Variants in ADAMTS3 observed in about 807,000 individuals in gnomAD.
ADAMTS3 encodes ADAM metallopeptidase with thrombospondin type 1 motif 3.
Under a neutral mutation model 129.0 loss-of-function variants are expected in ADAMTS3, and 73 were observed. The ratio of observed to expected loss-of-function variants is 0.57; its 90% CI spans 0.47 to 0.69. The LOEUF (loss-of-function observed/expected upper bound fraction) is 0.69. Among genes scored for constraint, ADAMTS3 ranks in the 30% least tolerant of loss-of-function variants. The probability of loss-of-function intolerance (pLI) is 0.00; values close to 1 mark genes in which losing one functional copy is unlikely to be tolerated. For missense variants in ADAMTS3, 1,457 were observed against 1,514.5 expected, an observed-to-expected ratio of 0.96 and a Z score of 0.63; for synonymous variants, 477 against 510.8, an observed-to-expected ratio of 0.93 and a Z score of 0.89.
At chr4:72,472,228 G>A (rs564079800) in intron 3 of ADAMTS3, among the ~76,000 whole-genome samples, 1 of 152,022 alleles carries the variant, frequency 6.6e-6, no homozygotes, top group South Asian at 2.1e-4. Flanking sequence ...TATTTGCTAA[G>A]GCCAAAATTC....
At chr4:72,417,571 C>T (rs1722335534) in intron 3 of ADAMTS3, among the ~76,000 whole-genome samples, 2 of 152,058 alleles carry the variant, frequency 1.3e-5, no homozygotes, top group South Asian at 4.2e-4. Context: ...TCCATTAACT[C>T]CATGGACCCA....
At chr4:72,405,952 A>G (rs1722039169) in intron 4 of ADAMTS3, among the ~76,000 whole-genome samples, 1 of 152,126 alleles carries the variant, frequency 6.6e-6, no homozygotes, top group South Asian at 2.1e-4. Context: ...TGTTTTGGAG[A>G]TTCTGGAAGA....
intron 3 of ADAMTS3, among the ~76,000 whole-genome samples, chr4:72,425,015 T>C (rs16847902): frequency 0.037 from 5,557 of 152,220 alleles, 123 homozygotes; most frequent in Non-Finnish European, 0.048. Flanking sequence ...TTGAATGACA[T>C]ATAAGTCCTA....
chr4:72,287,635 G>A (rs544634035), intron 21 of ADAMTS3, among the ~76,000 whole-genome samples: 13 of 152,062 alleles, frequency 8.5e-5, no homozygotes, highest in African/African-American at 2.9e-4. Flanking sequence ...GTAAGGCCTC[G>A]AAAAAGCATG....
intron 2 of ADAMTS3, among the ~76,000 whole-genome samples, chr4:72,562,758 A>C (rs2109807471): frequency 6.6e-6 from 1 of 152,316 alleles, no homozygotes; most frequent in South Asian, 2.1e-4. Flanking sequence ...ACACTGACTA[A>C]TTAAAAAGAA....
intron 3 of ADAMTS3, among the ~76,000 whole-genome samples, chr4:72,445,846 T>C (rs1034245493): frequency 6.6e-6 from 1 of 151,720 alleles, no homozygotes; most frequent in Non-Finnish European, 1.5e-5. Context: ...ATGATATCAG[T>C]TAAATATAAT....
intron 8 of ADAMTS3, 37 bp downstream of exon 8, chr4:72,319,821 T>C: frequency 6.7e-7 from 1 of 1,491,182 alleles, no homozygotes; most frequent in Non-Finnish European, 9.4e-7. Flanking sequence ...AAAGAAAAGA[T>C]CTTTTTTTGG....
At chr4:72,465,000 G>C (rs1718881205) in intron 3 of ADAMTS3, among the ~76,000 whole-genome samples, 1 of 151,964 alleles carries the variant, frequency 6.6e-6, no homozygotes, top group South Asian at 2.1e-4. Flanking sequence ...GAAATGTAAT[G>C]GTAACAAGAC....
intron 2 of ADAMTS3, among the ~76,000 whole-genome samples, chr4:72,549,390 G>GT (rs1054352893): frequency 3.2e-4 from 48 of 152,172 alleles, no homozygotes; most frequent in African/African-American, 9.2e-4. Flanking sequence ...TTACAATGCT[G>GT]TAATTTATAC....
intron 4 of ADAMTS3, among the ~76,000 whole-genome samples, chr4:72,343,643 T>C (rs1720197109): frequency 6.6e-6 from 1 of 152,160 alleles, no homozygotes; most frequent in South Asian, 2.1e-4. Context: ...TCAATGGTGC[T>C]AGCTGAGTTG....
At chr4:72,450,593 C>A (rs1718370018) in intron 3 of ADAMTS3, among the ~76,000 whole-genome samples, 2 of 151,614 alleles carry the variant, frequency 1.3e-5, no homozygotes, top group South Asian at 4.2e-4. Context: ...TTCACTGATG[C>A]CAACACCACT....
chr4:72,420,222 C>T (rs1358301093), intron 3 of ADAMTS3, among the ~76,000 whole-genome samples: 1 of 152,104 alleles, frequency 6.6e-6, no homozygotes, highest in Non-Finnish European at 1.5e-5. Flanking sequence ...ACTCCATCAC[C>T]GCCTTCAAGA....
chr4:72,315,427 A>G (rs1719365078), intron 11 of ADAMTS3, among the ~76,000 whole-genome samples: 1 of 152,210 alleles, frequency 6.6e-6, no homozygotes, highest in Non-Finnish European at 1.5e-5. Flanking sequence ...GATTTGACCC[A>G]TAAAGATGAG....
intron 3 of ADAMTS3, among the ~76,000 whole-genome samples, chr4:72,481,591 C>A (rs1560532966): frequency 6.6e-6 from 1 of 152,030 alleles, no homozygotes; most frequent in Non-Finnish European, 1.5e-5. Flanking sequence ...AATCATAAGA[C>A]TTTTAGAAAA....
chr4:72,478,764 C>T (rs954622668), intron 3 of ADAMTS3, among the ~76,000 whole-genome samples: 2 of 151,908 alleles, frequency 1.3e-5, no homozygotes, highest in Non-Finnish European at 2.9e-5. Context: ...TCCCTGTTTG[C>T]AGTTGACATG....
intron 4 of ADAMTS3, among the ~76,000 whole-genome samples, chr4:72,373,914 T>C (rs1377734612): frequency 5.9e-5 from 2 of 33,792 alleles, no homozygotes; most frequent in Non-Finnish European, 2.1e-4. Flanking sequence ...ATAATAATAA[T>C]AATAATAATA....
rs1247658650 is a variant in ADAMTS3, at chr4:72,360,395, T to A, written c.662-20702A>T. Among the ~76,000 whole-genome samples, 4 of 152,146 alleles carry A rather than the reference T, an allele frequency of 2.6e-5. No homozygotes were observed. The East Asian group carries it at 7.7e-4, about 29-fold the overall frequency. On this transcript the variant is annotated intron_variant, in intron 4 of 21. Coordinates refer to ENST00000286657, the MANE Select transcript of ADAMTS3 (RefSeq NM_014243.3). ...TAATTAACCAAAGGTCCAAAAAAAA[T>A]TTCTTTTTAGTGATTTTTGTTCTCC...
intron 3 of ADAMTS3, among the ~76,000 whole-genome samples, chr4:72,419,836 C>T (rs1354913808): frequency 6.6e-6 from 1 of 151,994 alleles, no homozygotes; most frequent in Non-Finnish European, 1.5e-5. Flanking sequence ...ACTATTAGTA[C>T]TATCTTGGGT....
chr4:72,475,714 A>G (rs1232225409), intron 3 of ADAMTS3, among the ~76,000 whole-genome samples: 1 of 152,034 alleles, frequency 6.6e-6, no homozygotes, highest in Non-Finnish European at 1.5e-5. Context: ...CAGTTTCAAG[A>G]GCCCACAGAA....
Sources: gnomAD v4.1 joint callset for allele counts (sites outside exome capture counted in the v4.1 genomes callset) on GRCh38, gnomAD v4.1.1 for gene constraint, MANE v1.5 for transcripts, NCBI Gene and HGNC (gene_info 2026-07-23, HGNC 2026-07-21) for gene names.